PTPRM: variants seen among roughly 807,000 people sequenced by gnomAD.
PTPRM encodes the protein receptor-type tyrosine-protein phosphatase mu.
PTPRM carries 47 observed loss-of-function variants against 186.7 expected under a neutral mutation model. The observed-to-expected ratio is 0.25, with a 90% CI of 0.20 to 0.32. The LOEUF (loss-of-function observed/expected upper bound fraction) is 0.32. PTPRM is among the 10% of genes least tolerant of loss of function. PTPRM has a pLI of 1.00. For missense variants in PTPRM, 1,494 were observed against 1,865.0 expected (o/e 0.80, Z 3.66); for synonymous variants, 668 against 674.9 (o/e 0.99, Z 0.16).
At chr18:7,873,552 GC>G (rs1242213440) in intron 2 of PTPRM, among the ~76,000 whole-genome samples, 1 of 152,158 alleles carries the variant, frequency 6.6e-6, no homozygotes, top group Non-Finnish European at 1.5e-5. Flanking sequence ...CTGGCACATA[GC>G]TAGCACTCAG....
In PTPRM at chr18:8,296,979, G is replaced by A. The variant is rs370959658; in HGVS notation, c.2842+524G>A. On this transcript the variant is annotated intron_variant, in intron 20 of 32. Transcript: ENST00000580170. The stretch of plus-strand genomic sequence containing the variant: ...GCAAAAGAACTAGGATTATAGCTTA[G>A]ACATTCCCAGTGCCTGTGAAACTGA... Among the ~76,000 whole-genome samples the A allele has an allele frequency of 2.0e-5, 3 of 152,258 alleles. No individual in the cohort carries two copies. The East Asian group carries it at 5.8e-4, about 29-fold the overall frequency.
intron 1 of PTPRM, among the ~76,000 whole-genome samples, chr18:7,643,815 C>T (rs2038500089): frequency 1.3e-5 from 2 of 152,126 alleles, no homozygotes; most frequent in Non-Finnish European, 2.9e-5. Context: ...CTCAGATTAT[C>T]TCTTTTTCTT....
In PTPRM at chr18:8,304,087, G is replaced by C. The variant is rs563682956; in HGVS notation, c.2842+7632G>C. ...ATATATGTCACCAGTATGTAGCAGA[G>C]AGAAAGAATTGGTTAGAGGTGAAAG... is the stretch of plus-strand genomic sequence containing the variant. On this transcript the variant is annotated intron_variant, in intron 20 of 32. Transcript: ENST00000580170. Among the ~76,000 whole-genome samples the C allele has an allele frequency of 2.0e-5, 3 of 152,308 alleles. No individual in the cohort carries two copies. The East Asian group carries it at 5.8e-4, about 29-fold the overall frequency.
intron 5 of PTPRM, among the ~76,000 whole-genome samples, chr18:7,937,686 G>A (rs891549882): frequency 6.6e-6 from 1 of 152,134 alleles, no homozygotes; most frequent in Non-Finnish European, 1.5e-5. Context: ...TCATTGCCTT[G>A]GTTCATTAAT....
chr18:7,844,784 AG>A (rs1273700143), intron 2 of PTPRM, among the ~76,000 whole-genome samples: 1 of 152,142 alleles, frequency 6.6e-6, no homozygotes, highest in Non-Finnish European at 1.5e-5. Flanking sequence ...GGTAGTCCAA[AG>A]GTCTATTTTC....
chr18:8,376,137 G>C lies in PTPRM; in HGVS notation c.3263G>C (p.Gly1088Ala), dbSNP rs749556273. 6.2e-7 allele frequency: 1 copy of C among 1,613,994 alleles called. No individual in the cohort carries two copies. Among genetic ancestry groups the C allele is most frequent in the Non-Finnish European group, 8.5e-7 (1 of 1,180,022 alleles). Residue 1088 changes from glycine to alanine, a missense_variant, in exon 25 of 33, where the codon GGA becomes GCA. By Grantham distance (60) the Gly-to-Ala change is moderately conservative. Transcript: ENST00000580170. ...CCCTACCATGCCACCGGCCTGCTGG[G>C]ATTCGTGCGGCAAGTCAAGTCCAAG... is the stretch of plus-strand genomic sequence containing the variant. Reference protein sequence around the residue: ...GVPYHATGLLGFVRQVKSKSP... With the variant: ...GVPYHATGLLAFVRQVKSKSP...
intron 7 of PTPRM, among the ~76,000 whole-genome samples, chr18:7,955,707 A>G (rs1473920103): frequency 6.6e-6 from 1 of 152,176 alleles, no homozygotes; most frequent in East Asian, 1.9e-4. Context: ...AGTTTACAGA[A>G]ACTGTCTACT....
chr18:7,597,094 A>G (rs1402432624), intron 1 of PTPRM, among the ~76,000 whole-genome samples: 1 of 152,128 alleles, frequency 6.6e-6, no homozygotes, highest in Non-Finnish European at 1.5e-5. Context: ...ACCTCAAGTG[A>G]TCCACCCTCC....
At position 8,335,042 on chromosome 18, in the gene PTPRM, C is replaced by T. The variant is rs60047351; in HGVS notation, c.2957-8381C>T. ...TCTGTTTTCTTTCTCTGATTTTTCC[C>T]GAGCTTTGATTCTAAAACCGGAACT... On this transcript the variant is annotated intron_variant, in intron 22 of 32. Transcript: ENST00000580170. Among the ~76,000 whole-genome samples, 1,401 of 152,288 alleles carry T rather than the reference C, an allele frequency of 9.2e-3. 28 individuals carry two copies. The highest frequency in any genetic ancestry group is 0.032 in the African/African-American group (1,334 of 41,560).
intron 1 of PTPRM, among the ~76,000 whole-genome samples, chr18:7,771,965 C>T (rs1455374342): frequency 6.6e-6 from 1 of 152,202 alleles, no homozygotes; most frequent in Non-Finnish European, 1.5e-5. Flanking sequence ...AGAGATGACT[C>T]AGTGGCAGTG....
chr18:8,342,106 C>T (rs2095478406), intron 22 of PTPRM, among the ~76,000 whole-genome samples: 1 of 151,980 alleles, frequency 6.6e-6, no homozygotes, highest in African/African-American at 2.4e-5. Context: ...AGGAAGGAGG[C>T]CTGGACAGGG....
chr18:7,633,180 C>T (rs893335122), intron 1 of PTPRM, among the ~76,000 whole-genome samples: 3 of 152,060 alleles, frequency 2.0e-5, no homozygotes, highest in Non-Finnish European at 2.9e-5. Context: ...GTGTGTAAGT[C>T]GGCTTTTTAG....
chr18:7,598,386 T>C (rs1167804370), intron 1 of PTPRM, among the ~76,000 whole-genome samples: 2 of 152,218 alleles, frequency 1.3e-5, no homozygotes, highest in Non-Finnish European at 2.9e-5. Flanking sequence ...AAGCAAAGCA[T>C]AATTCTGAGG....
At chr18:7,797,471 C>T (rs998133122) in intron 2 of PTPRM, among the ~76,000 whole-genome samples, 1 of 152,194 alleles carries the variant, frequency 6.6e-6, no homozygotes, top group African/African-American at 2.4e-5. Context: ...ATCTCTGACC[C>T]TTCAGTTTGT....
At chr18:8,290,498 A>G (rs1321917114) in intron 19 of PTPRM, among the ~76,000 whole-genome samples, 1 of 151,922 alleles carries the variant, frequency 6.6e-6, no homozygotes, top group Non-Finnish European at 1.5e-5. Context: ...ATGTATAATT[A>G]TATCCTGTGG....
At chr18:7,954,591 C>T (rs2053190715) in intron 6 of PTPRM, among the ~76,000 whole-genome samples, 1 of 152,136 alleles carries the variant, frequency 6.6e-6, no homozygotes, top group Non-Finnish European at 1.5e-5. Context: ...ATTTTGAAGA[C>T]ATTCTCAATA....
intron 19 of PTPRM, among the ~76,000 whole-genome samples, chr18:8,285,874 C>T (rs1371571916): frequency 3.9e-5 from 6 of 152,022 alleles, no homozygotes. Flanking sequence ...TACCTGTAGT[C>T]CTAGCTACTC....
At chr18:7,838,956 G>A (rs1423015850) in intron 2 of PTPRM, among the ~76,000 whole-genome samples, 2 of 152,176 alleles carry the variant, frequency 1.3e-5, no homozygotes, top group Admixed American at 6.5e-5. Flanking sequence ...AGCCACCATG[G>A]GCCCACAGGG....
intron 2 of PTPRM, among the ~76,000 whole-genome samples, chr18:7,885,221 G>A (rs934332672): frequency 1.3e-5 from 2 of 152,086 alleles, no homozygotes; most frequent in Admixed American, 6.5e-5. Context: ...TGCTGTGAAC[G>A]TAAAAATATC....
Sources: allele counts gnomAD v4.1 joint callset (sites outside exome capture counted in the v4.1 genomes callset), GRCh38; gene constraint gnomAD v4.1.1; transcripts MANE v1.5; gene names NCBI Gene and HGNC (gene_info 2026-07-23, HGNC 2026-07-21).